TBC1D19: variants seen among roughly 807,000 people sequenced by gnomAD.
TBC1D19 encodes the protein TBC1 domain family member 19.
In TBC1D19, 60 loss-of-function variants were observed where a neutral mutation model predicts 89.0. The ratio of observed to expected loss-of-function variants is 0.67; its 90% CI spans 0.55 to 0.84. The LOEUF (loss-of-function observed/expected upper bound fraction) is 0.84. TBC1D19 is among the 40% of genes least tolerant of loss of function. The pLI is 0.00. For missense variants in TBC1D19, 500 were observed against 610.8 expected (o/e 0.82, Z 1.91); for synonymous variants, 189 against 199.7 (o/e 0.95, Z 0.45).
chr4:26,718,644 T>C (rs1022267903), intron 14 of TBC1D19, among the ~76,000 whole-genome samples: 1 of 152,112 alleles, frequency 6.6e-6, no homozygotes, highest in African/African-American at 2.4e-5. Context: ...GTATCTCTTA[T>C]GTCTGAACTA....
At chr4:26,642,517 T>A (rs944856838) in intron 7 of TBC1D19, among the ~76,000 whole-genome samples, 2 of 152,114 alleles carry the variant, frequency 1.3e-5, no homozygotes, top group Admixed American at 6.5e-5. Context: ...AGAAACTGCA[T>A]CAACTAATGA....
Position 26,666,387 on chromosome 4 carries a change from T to G in TBC1D19, c.646T>G (p.Ser216Ala). The G allele has an allele frequency of 6.2e-7, 1 of 1,610,222 alleles. No individual in the cohort carries two copies. Among genetic ancestry groups the G allele is most frequent in the Non-Finnish European group, 8.5e-7 (1 of 1,177,748 alleles). ...LNIGQLGIDD[S>A]TQVPPELFEN... ...TATAGGACAACTGGGTATAGATGAT[T>G]CTACACAAGTGCCTCCTGGTTAGTA... The change falls in exon 9 of 21, where the codon TCT (serine) becomes GCT (alanine). Residue 216 changes from serine to alanine, a missense_variant. By Grantham distance (99) the Ser-to-Ala change is moderately conservative. This residue lies in a region of TBC1D19 where 280 missense variants were observed against 291.7 expected (regional missense o/e 0.96). Transcript: ENST00000264866.
chr4:26,740,622 T>C, intron 17 of TBC1D19: 1 of 982,422 alleles, frequency 1.0e-6, no homozygotes, highest in Non-Finnish European at 1.2e-6. Flanking sequence ...TCCTTTATCA[T>C]ATCTTTTTTT....
At chr4:26,688,142 A>G (rs1373727596) in intron 12 of TBC1D19, among the ~76,000 whole-genome samples, 2 of 152,188 alleles carry the variant, frequency 1.3e-5, no homozygotes, top group African/African-American at 4.8e-5. Flanking sequence ...GGGACCTTAA[A>G]AAGTATGAGG....
chr4:26,677,725 C>T (rs903514927), intron 11 of TBC1D19, among the ~76,000 whole-genome samples: 4 of 152,096 alleles, frequency 2.6e-5, no homozygotes. Flanking sequence ...TTTCTCCCAT[C>T]CTGTTCTCAT....
intron 20 of TBC1D19, chr4:26,754,191 T>C (rs1051437008): frequency 5.4e-5 from 15 of 275,876 alleles, no homozygotes; most frequent in African/African-American, 2.8e-4. Context: ...TGCATTTTTT[T>C]ATCGTTCATG....
the TBC1D19 span, among the ~76,000 whole-genome samples, chr4:26,807,434 C>T: frequency 4.6e-5 from 7 of 152,214 alleles, no homozygotes; most frequent in African/African-American, 1.4e-4. Flanking sequence ...GCCCCACAGC[C>T]CTTTCCTGCC....
the TBC1D19 span, among the ~76,000 whole-genome samples, chr4:26,837,094 G>A: frequency 6.6e-6 from 1 of 152,288 alleles, no homozygotes; most frequent in South Asian, 2.1e-4. Flanking sequence ...TGTTTGGAGG[G>A]GTTGTGGAGA....
chr4:26,804,686 G>A, the TBC1D19 span, among the ~76,000 whole-genome samples: 28 of 152,136 alleles, frequency 1.8e-4, no homozygotes, highest in Non-Finnish European at 3.7e-4. Context: ...CGCGGAGGCG[G>A]CGGGCCCGGG....
intron 13 of TBC1D19, among the ~76,000 whole-genome samples, chr4:26,698,370 A>G (rs1023349356): frequency 2.0e-5 from 3 of 152,204 alleles, no homozygotes; most frequent in African/African-American, 7.2e-5. Flanking sequence ...AGAGGATATA[A>G]ACAAATGCAA....
intron 9 of TBC1D19, among the ~76,000 whole-genome samples, chr4:26,667,378 A>G (rs1453740478): frequency 6.6e-6 from 1 of 152,002 alleles, no homozygotes; most frequent in Non-Finnish European, 1.5e-5. Flanking sequence ...CCCCATTACA[A>G]AGATTACTAT....
At chr4:26,581,085 T>G (rs1739053023), upstream of TBC1D19, among the ~76,000 whole-genome samples, 1 of 152,232 alleles carries the variant, frequency 6.6e-6, no homozygotes. Context: ...TTGTATAGTT[T>G]TAACTATTCA....
chr4:26,621,857 C>T lies in TBC1D19; in HGVS notation c.294+1169C>T, dbSNP rs556160036. ...TGGAACCAACCCAATTGTCCAACAA[C>T]GATAGACTGGATTAAGAAATTGTGG... is the stretch of plus-strand genomic sequence containing the variant. On this transcript the variant is annotated intron_variant, in intron 4 of 20. Transcript: ENST00000264866. 3.4e-3 allele frequency among the ~76,000 whole-genome samples: 520 copies of T among 151,630 alleles called. 5 individuals are homozygous for T. The highest frequency in any genetic ancestry group is 0.012 in the African/African-American group (496 of 41,320).
the TBC1D19 span, among the ~76,000 whole-genome samples, chr4:26,804,647 G>C: frequency 6.6e-6 from 1 of 152,110 alleles, no homozygotes; most frequent in African/African-American, 2.4e-5. Context: ...CCAGGACGGC[G>C]CAGCGCAGGC....
At chr4:26,753,958 T>G (rs371634503) in intron 20 of TBC1D19, 68 bp downstream of exon 20, 4 of 1,570,016 alleles carry the variant, frequency 2.5e-6, no homozygotes, top group Non-Finnish European at 3.5e-6. Flanking sequence ...GTCATTTTAG[T>G]GTCTGTTGCA....
intron 12 of TBC1D19, among the ~76,000 whole-genome samples, chr4:26,685,802 C>T (rs918417840): frequency 1.3e-5 from 2 of 152,128 alleles, no homozygotes; most frequent in African/African-American, 2.4e-5. Flanking sequence ...TGTAAGAGAT[C>T]TTTTGGCCTG....
chr4:26,826,979 A>G, the TBC1D19 span, among the ~76,000 whole-genome samples: 1 of 152,354 alleles, frequency 6.6e-6, no homozygotes, highest in African/African-American at 2.4e-5. Context: ...AACTGGTTAC[A>G]TAATATTTTT....
At chr4:26,667,130 G>T (rs1711880249) in intron 9 of TBC1D19, among the ~76,000 whole-genome samples, 1 of 151,832 alleles carries the variant, frequency 6.6e-6, no homozygotes, top group Admixed American at 6.6e-5. Flanking sequence ...TATGTAATCA[G>T]AAATAACCAT....
chr4:26,760,757 T>C (rs890624996), downstream of TBC1D19, among the ~76,000 whole-genome samples: 2 of 152,214 alleles, frequency 1.3e-5, no homozygotes, highest in Admixed American at 1.3e-4. Flanking sequence ...TTTTCTTTTA[T>C]GGTTTATATT....
Sources: gnomAD v4.1 joint callset for allele counts (sites outside exome capture counted in the v4.1 genomes callset) on GRCh38, gnomAD v4.1.1 for gene constraint, gnomAD v4.1.1 regional missense constraint, MANE v1.5 for transcripts, NCBI Gene and HGNC (gene_info 2026-07-23, HGNC 2026-07-21) for gene names.